SCUBE1: variants seen among roughly 807,000 people sequenced by gnomAD.
SCUBE1 encodes the protein signal peptide, CUB and EGF-like domain-containing protein 1.
In SCUBE1, 59 loss-of-function variants were observed where a neutral mutation model predicts 124.4. That is an observed-to-expected ratio of 0.47 (90% CI 0.38 to 0.59). The LOEUF is 0.59. Among genes scored for constraint, SCUBE1 ranks in the 20% least tolerant of loss-of-function variants. SCUBE1 has a pLI of 0.00. For synonymous variants in SCUBE1, 545 were observed against 550.9 expected (o/e 0.99, Z 0.15); for missense variants, 1,150 against 1,371.2 (o/e 0.84, Z 2.55).
chr22:43,251,952 A>T (rs927115159), intron 6 of SCUBE1, among the ~76,000 whole-genome samples: 9 of 152,160 alleles, frequency 5.9e-5, no homozygotes, highest in Admixed American at 4.6e-4. Context: ...GGCCTGAGGT[A>T]AGCTCCCATG....
intron 2 of SCUBE1, among the ~76,000 whole-genome samples, chr22:43,332,108 G>A (rs1820385548): frequency 6.6e-6 from 1 of 152,112 alleles, no homozygotes; most frequent in Admixed American, 6.6e-5. Context: ...CCAACATGGT[G>A]AAACCCCATC....
rs764530411 is a variant in SCUBE1 at position 43,320,035 on chromosome 22, T to G, written c.251A>C (p.Asn84Thr). 1 of 1,614,068 alleles carries G rather than the reference T, an allele frequency of 6.2e-7. No homozygotes were observed. The highest frequency in any genetic ancestry group is 8.5e-7 in the Non-Finnish European group (1 of 1,179,986). ...GATGCACTCGTGGACACAGCCCCCA[T>G]TGTAGTAGTCATTCTCACACTCGTC... ...DIDECENDYY[N>T]GGCVHECINI... Residue 84 changes from asparagine to threonine, a missense_variant, in exon 3 of 22, where the codon AAT becomes ACT. Asn to Thr is a moderately conservative substitution (Grantham distance 65). Transcript: ENST00000360835.
intron 3 of SCUBE1, among the ~76,000 whole-genome samples, chr22:43,296,198 T>C (rs1925551886): frequency 6.6e-6 from 1 of 152,186 alleles, no homozygotes; most frequent in South Asian, 2.1e-4. Context: ...CCCAGCTCTG[T>C]TCGGGTCCCC....
rs762951 is a variant in SCUBE1 at position 43,258,512 on chromosome 22, C to T, written c.611-177G>A. Among the ~76,000 whole-genome samples, 3,113 of 152,216 alleles carry T rather than the reference C, an allele frequency of 0.02. 106 individuals are homozygous for T. The highest frequency in any genetic ancestry group is 0.071 in the African/African-American group (2,962 of 41,520). On this transcript the variant is annotated intron_variant, in intron 5 of 21. Transcript: ENST00000360835. The surrounding 1 kb of genome is among the most constrained non-coding windows in gnomAD (Gnocchi z 5.0). The stretch of plus-strand genomic sequence containing the variant: ...AGCATTTCCCTGCACTTCAGCCCCT[C>T]CAGGGACCCTGGAGTCACTCACTCC...
At chr22:43,299,094 T>C (rs1412161003) in intron 3 of SCUBE1, among the ~76,000 whole-genome samples, 1 of 151,208 alleles carries the variant, frequency 6.6e-6, no homozygotes, top group East Asian at 1.9e-4. Context: ...TCTTTGCTGG[T>C]CACTTGCTCT....
In SCUBE1 at chr22:43,275,179, C is replaced by A. The variant is rs1018085976; in HGVS notation, c.485-12334G>T. On this transcript the variant is annotated intron_variant, in intron 4 of 21. Transcript: ENST00000360835. ...TGGGGAGTGAGGCTGGGGGTCTCTG[C>A]GCTTCTGACAGACAAACTGGGGCTG... 3.9e-5 allele frequency among the ~76,000 whole-genome samples: 6 copies of A among 152,212 alleles called. No individual in the cohort carries two copies. The South Asian group carries it at 8.3e-4, about 21-fold the overall frequency.
intron 20 of SCUBE1, 70 bp downstream of exon 20, chr22:43,208,002 G>C: frequency 2.6e-6 from 4 of 1,554,494 alleles, no homozygotes; most frequent in Non-Finnish European, 3.5e-6. Flanking sequence ...GGGGACGTGC[G>C]ACTCATCTCT....
chr22:43,304,797 C>A (rs981466028), intron 3 of SCUBE1, among the ~76,000 whole-genome samples: 1 of 152,290 alleles, frequency 6.6e-6, no homozygotes, highest in African/African-American at 2.4e-5. Flanking sequence ...CCCATCTCCA[C>A]CCCCCGCAGG....
chr22:43,274,180 T>C (rs1353228524), intron 4 of SCUBE1, among the ~76,000 whole-genome samples: 1 of 152,160 alleles, frequency 6.6e-6, no homozygotes, highest in East Asian at 1.9e-4. Flanking sequence ...CTTTACTCCC[T>C]CAAGGCCCGG....
At chr22:43,298,420 G>T (rs1449799633) in intron 3 of SCUBE1, among the ~76,000 whole-genome samples, 1 of 152,216 alleles carries the variant, frequency 6.6e-6, no homozygotes, top group African/African-American at 2.4e-5. Context: ...CCAAGCTCAG[G>T]GTGGGAGATG....
intron 4 of SCUBE1, among the ~76,000 whole-genome samples, chr22:43,276,327 C>A (rs142316843): frequency 6.6e-6 from 1 of 152,072 alleles, no homozygotes; most frequent in Non-Finnish European, 1.5e-5. Flanking sequence ...GGATCGGGGG[C>A]TGAGGAGGAA....
At chr22:43,250,958 T>G (rs565461422) in intron 6 of SCUBE1, among the ~76,000 whole-genome samples, 1 of 152,334 alleles carries the variant, frequency 6.6e-6, no homozygotes, top group South Asian at 2.1e-4. Flanking sequence ...GGCTGGGACT[T>G]TGGCCCAGGC....
intron 3 of SCUBE1, among the ~76,000 whole-genome samples, chr22:43,299,468 T>C (rs1925687268): frequency 6.6e-6 from 1 of 152,190 alleles, no homozygotes; most frequent in Non-Finnish European, 1.5e-5. Flanking sequence ...TCTGGCACAC[T>C]CACCACCCAG....
chr22:43,241,815 C>T (rs775515881), intron 6 of SCUBE1, among the ~76,000 whole-genome samples: 3 of 152,252 alleles, frequency 2.0e-5, no homozygotes, highest in Admixed American at 6.5e-5. Context: ...GAGAAATGTG[C>T]CCATGTCAGG....
chr22:43,216,307 A>G (rs1188489776), intron 15 of SCUBE1, among the ~76,000 whole-genome samples: 1 of 147,028 alleles, frequency 6.8e-6, no homozygotes, highest in East Asian at 2.2e-4. Context: ...TCGGCCTCCC[A>G]AAGTGCTGGG....
chr22:43,287,114 G>C (rs1354134817), intron 4 of SCUBE1, among the ~76,000 whole-genome samples: 1 of 152,214 alleles, frequency 6.6e-6, no homozygotes, highest in East Asian at 1.9e-4. Context: ...GGCTAGGGCT[G>C]AGTGGGAGGT....
rs1023759295 is a variant in SCUBE1, at chr22:43,231,985, G to C, written c.845-110C>G. The C allele has an allele frequency of 2.9e-6, 4 of 1,357,850 alleles. No individual in the cohort carries two copies. In the Admixed American group the frequency reaches 5.5e-5, roughly 19 times the overall value. The allele number at this position is 1,357,850 out of a possible 1,614,324, so 84.1% of individuals were successfully genotyped here. On this transcript the variant is annotated intron_variant, in intron 7 of 21. Transcript: ENST00000360835. ...GGGATGACACTGCCCTGAGTTGCCT[G>C]GTGCCCACTTCCCAAGCTGGCTGCT...
intron 3 of SCUBE1, among the ~76,000 whole-genome samples, chr22:43,316,482 G>A (rs1027363708): frequency 6.6e-6 from 1 of 152,202 alleles, no homozygotes; most frequent in Non-Finnish European, 1.5e-5. Context: ...TGTTTTGGGA[G>A]GATTAAATGA....
intron 3 of SCUBE1, among the ~76,000 whole-genome samples, chr22:43,303,705 C>T (rs1372106479): frequency 6.6e-6 from 1 of 152,258 alleles, no homozygotes; most frequent in Non-Finnish European, 1.5e-5. Flanking sequence ...CCTAGCATGG[C>T]TTCCTATCAC....
Sources: gnomAD v4.1 joint callset for allele counts (sites outside exome capture counted in the v4.1 genomes callset) on GRCh38, gnomAD v4.1.1 for gene constraint, Gnocchi (gnomAD v3.1) non-coding constraint, MANE v1.5 for transcripts, NCBI Gene and HGNC (gene_info 2026-07-23, HGNC 2026-07-21) for gene names.